The following TRHDE variants were observed in gnomAD, a reference collection of about 807,000 sequenced individuals.
TRHDE encodes the protein thyrotropin-releasing hormone-degrading ectoenzyme.
Under a neutral mutation model 125.7 loss-of-function variants are expected in TRHDE, and 72 were observed. The ratio of observed to expected loss-of-function variants is 0.57; its 90% CI spans 0.47 to 0.70. The LOEUF is 0.70. TRHDE is among the 30% of genes least tolerant of loss of function. TRHDE has a pLI of 0.00. For synonymous variants in TRHDE, 509 were observed against 509.1 expected (o/e 1.00, Z 0.00); for missense variants, 1,110 against 1,327.1 (o/e 0.84, Z 2.54).
chr12:72,570,037 G>A lies in TRHDE; in HGVS notation c.2131+1381G>A, dbSNP rs995644297. On this transcript the variant is annotated intron_variant, in intron 10 of 18. Transcript: ENST00000261180. ...TCGCTCTATAGGATTCCTGTGAGGTGTGATAGAACTATCTTCAGAAATAAG... is the reference window on the plus strand; with the variant it reads ...TCGCTCTATAGGATTCCTGTGAGGTATGATAGAACTATCTTCAGAAATAAG... 3.3e-5 allele frequency among the ~76,000 whole-genome samples: 5 copies of A among 152,142 alleles called. No individual in the cohort carries two copies. The East Asian group carries it at 9.6e-4, about 29-fold the overall frequency.
At chr12:72,150,416 A>T (rs1320525159) in intron 2 of TRHDE, among the ~76,000 whole-genome samples, 14 of 149,522 alleles carry the variant, frequency 9.4e-5, no homozygotes, top group Non-Finnish European at 1.8e-4. Flanking sequence ...TTTTAATTTT[A>T]CTTTAAGTTT....
intron 5 of TRHDE, among the ~76,000 whole-genome samples, chr12:72,496,414 G>T (rs1877920189): frequency 1.3e-5 from 2 of 152,302 alleles, no homozygotes; most frequent in African/African-American, 4.8e-5. Context: ...ATGAGGAGCT[G>T]TCTTACATGG....
At position 72,542,082 on chromosome 12, in the gene TRHDE, G is replaced by T. The variant is rs756627523; in HGVS notation, c.1723-209G>T. Among the ~76,000 whole-genome samples, 4 of 151,348 alleles carry T rather than the reference G, an allele frequency of 2.6e-5. No individual in the cohort carries two copies. In the South Asian group the frequency reaches 6.2e-4, roughly 24 times the overall value. ...TCTAGAGGACTTCCATTTTGTGGTT[G>T]TAGGTTTTACACAAAACTTTAAAAT... On this transcript the variant is annotated intron_variant, in intron 6 of 18. Coordinates refer to ENST00000261180, the MANE Select transcript of TRHDE (RefSeq NM_013381.3).
In TRHDE at chr12:72,669,661, A is replaced by T. The variant is rs1875201831; in HGVS notation, c.*6466A>T. The T allele has an allele frequency of 6.6e-6, 1 of 151,760 alleles. No homozygotes were observed. Among genetic ancestry groups the T allele is most frequent in the African/African-American group, 2.4e-5 (1 of 41,396 alleles). The allele number at this position is 151,760 out of a possible 1,614,324, so 9.4% of individuals were successfully genotyped here. On this transcript the variant is annotated 3_prime_UTR_variant, in exon 19 of 19. Coordinates refer to ENST00000261180, the MANE Select transcript of TRHDE (RefSeq NM_013381.3). Reference sequence around the variant, plus strand: ...TATGACCTACTCAGTGAGAACATTCATTATTAAGTTTTTGCTATTAATTTT... The same window carrying T: ...TATGACCTACTCAGTGAGAACATTCTTTATTAAGTTTTTGCTATTAATTTT...
intron 12 of TRHDE, among the ~76,000 whole-genome samples, chr12:72,588,939 A>T (rs973512372): frequency 3.3e-5 from 5 of 152,176 alleles, no homozygotes; most frequent in Non-Finnish European, 5.9e-5. Context: ...GCAAAGAGGG[A>T]AAAACCCCTT....
At chr12:72,532,443 T>C (rs900574718) in intron 6 of TRHDE, among the ~76,000 whole-genome samples, 1 of 151,356 alleles carries the variant, frequency 6.6e-6, no homozygotes, top group Non-Finnish European at 1.5e-5. Context: ...CATTTTATTA[T>C]ACTTTTGAAT....
intron 2 of TRHDE, among the ~76,000 whole-genome samples, chr12:72,153,565 G>A (rs1426338998): frequency 6.6e-6 from 1 of 152,098 alleles, no homozygotes; most frequent in Non-Finnish European, 1.5e-5. Context: ...ACACTGCTTT[G>A]AATGTGTCCC....
At chr12:72,342,102 A>G (rs1466376833) in intron 2 of TRHDE, among the ~76,000 whole-genome samples, 2 of 152,060 alleles carry the variant, frequency 1.3e-5, no homozygotes, top group African/African-American at 2.4e-5. Flanking sequence ...ACAAAATTGG[A>G]GCTCAATTAG....
intron 3 of TRHDE, among the ~76,000 whole-genome samples, chr12:72,468,477 G>A (rs567455473): frequency 9.2e-5 from 14 of 152,126 alleles, no homozygotes; most frequent in East Asian, 1.9e-4. Context: ...CTGTTGCATC[G>A]TAGGGAGTTA....
chr12:72,403,757 G>T (rs1478361003), intron 3 of TRHDE, among the ~76,000 whole-genome samples: 3 of 152,140 alleles, frequency 2.0e-5, no homozygotes, highest in Non-Finnish European at 4.4e-5. Flanking sequence ...TTGAAACCCA[G>T]CTAGGAAGTC....
chr12:72,342,037 A>G (rs546297907), intron 2 of TRHDE, among the ~76,000 whole-genome samples: 10 of 152,200 alleles, frequency 6.6e-5, no homozygotes, highest in African/African-American at 2.4e-4. Flanking sequence ...GGATACAAAT[A>G]TGAGTAAAAA....
At chr12:72,109,666 C>A (rs1053835108) in intron 2 of TRHDE, among the ~76,000 whole-genome samples, 23 of 140,598 alleles carry the variant, frequency 1.6e-4, no homozygotes, top group Admixed American at 1.6e-3. Flanking sequence ...GGAAAAAATA[C>A]CTTCCCCCTC....
chr12:72,458,189 C>T (rs551359189), intron 3 of TRHDE, among the ~76,000 whole-genome samples: 86 of 152,250 alleles, frequency 5.6e-4, no homozygotes, highest in African/African-American at 2.0e-3. Flanking sequence ...ATTTGGGAAA[C>T]CTGCTGAAAA....
chr12:72,131,092 GAC>G (rs1875849795), intron 2 of TRHDE, among the ~76,000 whole-genome samples: 1 of 102,920 alleles, frequency 9.7e-6, no homozygotes, highest in African/African-American at 3.9e-5. Flanking sequence ...TTTTTTTTGA[GAC>G]AGAGTCTTCC....
At chr12:72,438,542 CT>C (rs1205463330) in intron 3 of TRHDE, among the ~76,000 whole-genome samples, 1 of 151,540 alleles carries the variant, frequency 6.6e-6, no homozygotes, top group East Asian at 1.9e-4. Flanking sequence ...TTTTCATATA[CT>C]TTTTGGCTAT....
intron 3 of TRHDE, among the ~76,000 whole-genome samples, chr12:72,405,193 C>T (rs1350035560): frequency 6.6e-6 from 1 of 152,180 alleles, no homozygotes; most frequent in East Asian, 1.9e-4. Flanking sequence ...ATAGATATAT[C>T]TGATAGAGCA....
At chr12:72,291,984 G>A (rs1880106190) in intron 2 of TRHDE, among the ~76,000 whole-genome samples, 1 of 152,158 alleles carries the variant, frequency 6.6e-6, no homozygotes, top group African/African-American at 2.4e-5. Flanking sequence ...AGCCCAAGCA[G>A]GTACACTTAT....
intron 5 of TRHDE, among the ~76,000 whole-genome samples, chr12:72,487,254 TAA>T (rs1244969081): frequency 6.6e-6 from 1 of 152,172 alleles, no homozygotes; most frequent in Non-Finnish European, 1.5e-5. Context: ...TGAAAATTCC[TAA>T]GTCTTGGAAG....
At chr12:72,399,253 T>C (rs1489824466) in intron 3 of TRHDE, among the ~76,000 whole-genome samples, 2 of 152,236 alleles carry the variant, frequency 1.3e-5, no homozygotes, top group Non-Finnish European at 2.9e-5. Flanking sequence ...CTGCTTTAAG[T>C]ATTATCTGAA....
Sources: allele counts gnomAD v4.1 joint callset (sites outside exome capture counted in the v4.1 genomes callset), GRCh38; gene constraint gnomAD v4.1.1; transcripts MANE v1.5; gene names NCBI Gene and HGNC (gene_info 2026-07-23, HGNC 2026-07-21).